Variants in CD47 observed in about 807,000 individuals in gnomAD.
CD47 encodes CD47 molecule, also known as leukocyte surface antigen CD47.
Under a neutral mutation model 44.6 loss-of-function variants are expected in CD47, and 11 were observed. That is an observed-to-expected ratio of 0.25 (90% CI 0.16 to 0.41). The LOEUF (loss-of-function observed/expected upper bound fraction) is 0.41, where lower values mean the gene tolerates loss of function less well. Ranked by LOEUF, CD47 falls within the 10% of genes least tolerant of loss-of-function variation. The pLI is 1.00. For missense variants in CD47, 306 were observed against 386.7 expected, an observed-to-expected ratio of 0.79 and a Z score of 1.75; for synonymous variants, 140 against 136.3, an observed-to-expected ratio of 1.03 and a Z score of -0.19.
At chr3:108,065,005 T>A (rs376243794) in intron 3 of CD47, among the ~76,000 whole-genome samples, 77 of 152,248 alleles carry the variant, frequency 5.1e-4, no homozygotes, top group African/African-American at 1.8e-3. Flanking sequence ...CACACATGCA[T>A]ACACAAATGA....
At chr3:108,090,657 G>C (rs571911519) in intron 1 of CD47, among the ~76,000 whole-genome samples, 101 of 149,756 alleles carry the variant, frequency 6.7e-4, no homozygotes, top group African/African-American at 2.2e-3. Context: ...GGAAGAAGAC[G>C]ACCAGGGAAA....
intron 7 of CD47, 90 bp from the exon 8 acceptor site, chr3:108,052,060 G>T: frequency 3.1e-6 from 2 of 644,994 alleles, no homozygotes; most frequent in Admixed American, 5.4e-5. Context: ...AAAATGTTCA[G>T]GGCTAAAACT....
At chr3:108,078,558 C>T (rs2079354294) in intron 2 of CD47, among the ~76,000 whole-genome samples, 1 of 151,330 alleles carries the variant, frequency 6.6e-6, no homozygotes, top group East Asian at 1.9e-4. Flanking sequence ...TGATCTAATA[C>T]CAGTTAGTTG....
chr3:108,062,060 A>G (rs1339091655), intron 3 of CD47, among the ~76,000 whole-genome samples: 4 of 152,142 alleles, frequency 2.6e-5, no homozygotes, highest in African/African-American at 7.2e-5. Context: ...ATGGGGAGAT[A>G]AGTCCTAAGC....
chr3:108,085,295 C>T (rs1468954079), intron 1 of CD47, among the ~76,000 whole-genome samples: 1 of 152,042 alleles, frequency 6.6e-6, no homozygotes, highest in African/African-American at 2.4e-5. Context: ...ATTAAGGGGT[C>T]GACCCTAGTT....
intron 9 of CD47, 92 bp from the exon 10 acceptor site, chr3:108,049,743 T>C (rs1362828450): frequency 2.3e-6 from 2 of 856,404 alleles, no homozygotes; most frequent in Non-Finnish European, 4.0e-6. Context: ...ATATGCTAAC[T>C]AGTCTACAAC....
intron 3 of CD47, among the ~76,000 whole-genome samples, chr3:108,070,099 A>T (rs1365647766): frequency 1.3e-5 from 2 of 152,162 alleles, no homozygotes; most frequent in East Asian, 3.8e-4. Context: ...ACATATAATC[A>T]ATCAGTCATC....
chr3:108,085,930 A>T (rs1021819426), intron 1 of CD47, among the ~76,000 whole-genome samples: 1 of 152,128 alleles, frequency 6.6e-6, no homozygotes, highest in East Asian at 1.9e-4. Context: ...GGAAAATCTC[A>T]AGTCACTTGT....
intron 2 of CD47, among the ~76,000 whole-genome samples, chr3:108,074,760 T>G (rs747714495): frequency 3.9e-4 from 60 of 152,144 alleles, no homozygotes; most frequent in Non-Finnish European, 7.4e-4. Context: ...TTCTCTCAGT[T>G]TGAAATCACT....
intron 1 of CD47, among the ~76,000 whole-genome samples, chr3:108,086,943 C>T (rs718689): frequency 0.11 from 16,022 of 151,918 alleles, 1,539 homozygotes; most frequent in East Asian, 0.54. Flanking sequence ...AGCTGGATGA[C>T]GGAAGAGAAT....
intron 2 of CD47, among the ~76,000 whole-genome samples, chr3:108,072,206 G>C (rs1446449696): frequency 6.6e-6 from 1 of 152,144 alleles, no homozygotes. Flanking sequence ...CCTGTACAAG[G>C]GGCTGTGTGA....
rs189370491 is a variant in CD47, at chr3:108,059,376, T to C, written c.691+76A>G. On this transcript the variant is annotated intron_variant, in intron 5 of 10. Transcript: ENST00000361309. ...CTTATTGAGTTGTAAAAAATTTATA[T>C]GAGCATTTTCACCAAAACTGCTGTT... 531 of 659,654 alleles carry C rather than the reference T, an allele frequency of 8.0e-4. 2 individuals carry two copies. The highest frequency in any genetic ancestry group is 4.6e-4 in the Non-Finnish European group (179 of 391,254). The allele number at this position is 659,654 out of a possible 1,614,324, so 40.9% of individuals were successfully genotyped here. A position where few individuals can be genotyped will look rare whatever the true frequency, so the allele number is the denominator to read the frequency against.
intron 1 of CD47, 124 bp downstream of exon 1, chr3:108,090,739 G>C: frequency 1.2e-6 from 1 of 825,886 alleles, no homozygotes; most frequent in Non-Finnish European, 1.7e-6. Flanking sequence ...GGCGCTCAGG[G>C]CCCGAGTGTT....
chr3:108,075,551 G>A (rs751357925), intron 2 of CD47, among the ~76,000 whole-genome samples: 3 of 151,998 alleles, frequency 2.0e-5, no homozygotes, highest in African/African-American at 4.8e-5. Context: ...CTGATGTGTC[G>A]ACTTGCTAGG....
chr3:108,080,311 G>A lies in CD47; in HGVS notation c.80C>T (p.Ser27Phe), dbSNP rs749022502. 6 of 1,608,042 alleles carry A rather than the reference G, an allele frequency of 3.7e-6. No homozygotes were observed. In the East Asian group the frequency reaches 1.3e-4, roughly 36 times the overall value. The change falls in exon 2 of 11, where the codon TCT (serine) becomes TTT (phenylalanine). Residue 27 changes from serine (S) to phenylalanine (F), a missense_variant. Physicochemically the swap from Ser to Phe is radical, Grantham distance 155. Around this residue, in one of 5 missense-constraint regions of CD47, gnomAD observed 38 missense variants for 42.7 expected, o/e 0.89. Transcript: ENST00000361309. ...GTCATTACAAAACGTGAATTCTACA[G>A]ATTTTGTTTTATTAAATAGTAGCTG... ...SAQLLFNKTKSVEFTFCNDTV... is the reference protein window; with the variant it reads ...SAQLLFNKTKFVEFTFCNDTV...
At chr3:108,049,482 A>C in intron 10 of CD47, 137 bp downstream of exon 10, 1 of 688,480 alleles carries the variant, frequency 1.5e-6, no homozygotes, top group Non-Finnish European at 2.6e-6. Flanking sequence ...TAAGTTGTAT[A>C]CATCAAGAAA....
intron 2 of CD47, among the ~76,000 whole-genome samples, chr3:108,072,807 A>G (rs2079231504): frequency 6.6e-6 from 1 of 151,950 alleles, no homozygotes; most frequent in South Asian, 2.1e-4. Flanking sequence ...TAATTGATGT[A>G]TTTTTCCTTA....
chr3:108,049,859 C>CT (rs2078795092), intron 9 of CD47, among the ~76,000 whole-genome samples: 1 of 152,124 alleles, frequency 6.6e-6, no homozygotes, highest in Non-Finnish European at 1.5e-5. Context: ...GAAATCAGAT[C>CT]TAGGTTTACA....
chr3:108,071,209 A>T (rs2079194521), intron 2 of CD47, 27 bp from the exon 3 acceptor site: 1 of 1,041,172 alleles, frequency 9.6e-7, no homozygotes, highest in African/African-American at 1.6e-5. Flanking sequence ...CAAAAGTCAC[A>T]ATTAATATTT....
Sources: gnomAD v4.1 joint callset for allele counts (sites outside exome capture counted in the v4.1 genomes callset) on GRCh38, gnomAD v4.1.1 for gene constraint, gnomAD v4.1.1 regional missense constraint, MANE v1.5 for transcripts, NCBI Gene and HGNC (gene_info 2026-07-23, HGNC 2026-07-21) for gene names.